ZNF462: variants seen among roughly 807,000 people sequenced by gnomAD.
ZNF462 encodes the protein zinc finger PBX1-interacting protein.
A neutral mutation model predicts 201.9 loss-of-function variants in ZNF462; 10 were observed. The observed-to-expected ratio is 0.05, with a 90% CI of 0.03 to 0.08. ZNF462 has a LOEUF of 0.08. Among genes scored for constraint, ZNF462 ranks in the 10% least tolerant of loss-of-function variants. The probability of loss-of-function intolerance (pLI) is 1.00; values close to 1 mark genes in which losing one functional copy is unlikely to be tolerated. For missense variants in ZNF462, 2,523 were observed against 3,168.3 expected, an observed-to-expected ratio of 0.80 and a Z score of 4.89; for synonymous variants, 1,227 against 1,193.3, an observed-to-expected ratio of 1.03 and a Z score of -0.58.
chr9:106,962,607 T>C lies in ZNF462; in HGVS notation c.6428-9398T>C, dbSNP rs1302392561. On this transcript the variant is annotated intron_variant, in intron 7 of 12. Coordinates refer to ENST00000277225, the MANE Select transcript of ZNF462 (RefSeq NM_021224.6). The surrounding 1 kb of genome is among the most constrained non-coding windows in gnomAD (Gnocchi z 4.6). ...GAGAAAGCTTGCCCATTTTTTGCCA[T>C]GTTTGTATCATTTTGCAGGCTAATA... Among the ~76,000 whole-genome samples, 8 of 152,182 alleles carry C rather than the reference T, an allele frequency of 5.3e-5. No homozygotes were observed. The East Asian group carries it at 1.4e-3, about 26-fold the overall frequency.
chr9:106,943,059 C>CT (rs1753918032), intron 7 of ZNF462, among the ~76,000 whole-genome samples: 1 of 143,154 alleles, frequency 7.0e-6, no homozygotes, highest in East Asian at 2.1e-4. Flanking sequence ...TTTGCGCGCG[C>CT]GTGTGTGTGT....
rs1829364865 is a variant in ZNF462 at position 107,003,819 on chromosome 9, G to A, written c.7189+393G>A. Among the ~76,000 whole-genome samples, 1 of 152,060 alleles carries A rather than the reference G, an allele frequency of 6.6e-6. No homozygotes were observed. The highest frequency in any genetic ancestry group is 2.4e-5 in the African/African-American group (1 of 41,436). On this transcript the variant is annotated intron_variant, in intron 11 of 12. Coordinates refer to ENST00000277225, the MANE Select transcript of ZNF462 (RefSeq NM_021224.6). This position sits in a 1 kb window ranked among gnomAD's most constrained non-coding sequence, Gnocchi z 4.4. ...TGAATGCATATTTAAAATTGCTGCT[G>A]GGGCACACACTGCTGGAACTGTAGG...
At position 106,926,908 on chromosome 9, in the gene ZNF462, G is replaced by C; in HGVS notation, c.2996G>C (p.Gly999Ala). Residue 999 changes from glycine to alanine, a missense_variant, in exon 3 of 13, where the codon GGT (glycine) becomes GCT (alanine). This residue lies in a region of ZNF462 where 280 missense variants were observed against 321.3 expected (regional missense o/e 0.87). Coordinates refer to ENST00000277225, the MANE Select transcript of ZNF462 (RefSeq NM_021224.6). This position sits in a 1 kb window ranked among gnomAD's most constrained non-coding sequence, Gnocchi z 7.9. ...TCCACACCTGTGGCTCGTGGTGGTG[G>C]TTTGCCAGCTACGTTCAACAAAAAC... ...ATSTPVARGG[G>A]LPATFNKNTP... The C allele has an allele frequency of 6.2e-7, 1 of 1,614,170 alleles. No homozygotes were observed. The highest frequency in any genetic ancestry group is 8.5e-7 in the Non-Finnish European group (1 of 1,180,040).
Position 106,989,342 on chromosome 9 carries a change from A to G in ZNF462, c.7056+4933A>G, listed in dbSNP as rs189667101. Among the ~76,000 whole-genome samples, 4 of 152,210 alleles carry G rather than the reference A, an allele frequency of 2.6e-5. No individual in the cohort carries two copies. The East Asian group carries it at 7.7e-4, about 29-fold the overall frequency. ...TCTGTTTATGTGGTGTATCACATTT[A>G]TTGACTCGTGTACGTTAAACTATCC... On this transcript the variant is annotated intron_variant, in intron 10 of 12. Transcript: ENST00000277225.
intron 7 of ZNF462, among the ~76,000 whole-genome samples, chr9:106,967,904 C>T (rs528546109): frequency 1.4e-4 from 22 of 152,064 alleles, no homozygotes; most frequent in African/African-American, 5.3e-4. Context: ...TTTCATAATG[C>T]TTCAAAATGT....
chr9:106,988,391 C>T (rs934864700), intron 10 of ZNF462, among the ~76,000 whole-genome samples: 1 of 152,074 alleles, frequency 6.6e-6, no homozygotes, highest in African/African-American at 2.4e-5. Context: ...CCCACCAGAC[C>T]CCTCCCACAG....
chr9:106,891,136 G>C (rs1330645487), intron 1 of ZNF462, among the ~76,000 whole-genome samples: 1 of 152,104 alleles, frequency 6.6e-6, no homozygotes, highest in African/African-American at 2.4e-5. Context: ...TAATGAAGAA[G>C]AGTTCTTCCT....
In ZNF462 at chr9:107,010,964, A is replaced by G; in HGVS notation, c.7455A>G (p.Thr2485=). Residue 2485 remains threonine, a synonymous_variant, in exon 13 of 13, where the codon ACA becomes ACG. Transcript: ENST00000277225. The surrounding 1 kb of genome is among the most constrained non-coding windows in gnomAD (Gnocchi z 4.6). ...IGIDFSLKNE[T]VAICVVTADK... is the part of the protein sequence containing the mutation. Reference sequence around the variant, plus strand: ...TAGACTTTTCCCTAAAGAATGAAACAGTAGCCATCTGTGTAGTAACTGCCG... The same window carrying G: ...TAGACTTTTCCCTAAAGAATGAAACGGTAGCCATCTGTGTAGTAACTGCCG... 6.2e-7 allele frequency: 1 copy of G among 1,613,864 alleles called. No homozygotes were observed. The highest frequency in any genetic ancestry group is 1.7e-4 in the Middle Eastern group (1 of 6,054).
chr9:106,944,791 A>G (rs1384181247), intron 7 of ZNF462, among the ~76,000 whole-genome samples: 1 of 152,212 alleles, frequency 6.6e-6, no homozygotes, highest in Admixed American at 6.5e-5. Context: ...TACATAGGAC[A>G]TAAGAATGTA....
intron 6 of ZNF462, among the ~76,000 whole-genome samples, chr9:106,937,677 A>G (rs889964913): frequency 2.6e-5 from 4 of 152,170 alleles, no homozygotes; most frequent in Non-Finnish European, 5.9e-5. Context: ...AATTATTTTT[A>G]ATAGTTGTAA....
chr9:106,926,897 T>A lies in ZNF462; in HGVS notation c.2985T>A (p.Ala995=). 1 of 1,614,136 alleles carries A rather than the reference T, an allele frequency of 6.2e-7. No individual in the cohort carries two copies. The highest frequency in any genetic ancestry group is 8.5e-7 in the Non-Finnish European group (1 of 1,180,034). ...ACATGGCGACTTCCACACCTGTGGC[T>A]CGTGGTGGTGGTTTGCCAGCTACGT... is the stretch of plus-strand genomic sequence containing the variant. The part of the protein sequence containing the change: ...PKNMATSTPV[A]RGGGLPATFN... Residue 995 remains alanine (A), a synonymous_variant, in exon 3 of 13, where the codon GCT becomes GCA. Coordinates refer to ENST00000277225, the MANE Select transcript of ZNF462 (RefSeq NM_021224.6). This position sits in a 1 kb window ranked among gnomAD's most constrained non-coding sequence, Gnocchi z 7.9.
intron 1 of ZNF462, among the ~76,000 whole-genome samples, chr9:106,893,399 C>G (rs1485121379): frequency 6.6e-6 from 1 of 152,200 alleles, no homozygotes; most frequent in Non-Finnish European, 1.5e-5. Context: ...AAGGAAATCA[C>G]CATCCTTTTC....
At chr9:106,936,149 A>G (rs1006021830) in intron 6 of ZNF462, among the ~76,000 whole-genome samples, 3 of 152,262 alleles carry the variant, frequency 2.0e-5, no homozygotes, top group African/African-American at 7.2e-5. Flanking sequence ...TTGTTGTTCC[A>G]TCTCATTACT....
In ZNF462 at chr9:106,966,408, G is replaced by A. The variant is rs529569076; in HGVS notation, c.6428-5597G>A. On this transcript the variant is annotated intron_variant, in intron 7 of 12. Coordinates refer to ENST00000277225, the MANE Select transcript of ZNF462 (RefSeq NM_021224.6). The surrounding 1 kb of genome is among the most constrained non-coding windows in gnomAD (Gnocchi z 4.4). ...GTGAGTTGAACGTTTAGGTAGCTGC[G>A]TGTCTAGTGTTGATTTCATTAATTA... Among the ~76,000 whole-genome samples, 10 of 152,086 alleles carry A rather than the reference G, an allele frequency of 6.6e-5. No individual in the cohort carries two copies. Among genetic ancestry groups the A allele is most frequent in the East Asian group, 3.9e-4 (2 of 5,174 alleles).
Position 107,011,095 on chromosome 9 carries a change from T to G in ZNF462, c.*65T>G. 1.3e-6 allele frequency: 2 copies of G among 1,547,568 alleles called. No individual in the cohort carries two copies. The highest frequency in any genetic ancestry group is 1.8e-6 in the Non-Finnish European group (2 of 1,132,744). ...TGATGAAAAAGTGGGAGGGCTGGCT[T>G]GGGCTGAGAAGGGAGGGACAGAAAA... On this transcript the variant is annotated 3_prime_UTR_variant, in exon 13 of 13. Transcript: ENST00000277225. This position sits in a 1 kb window ranked among gnomAD's most constrained non-coding sequence, Gnocchi z 5.6.
chr9:106,860,540 G>A (rs1827039063), upstream of ZNF462, among the ~76,000 whole-genome samples: 1 of 152,106 alleles, frequency 6.6e-6, no homozygotes, highest in African/African-American at 2.4e-5. The surrounding 1 kb of genome is among the most constrained non-coding windows in gnomAD (Gnocchi z 7.1). Flanking sequence ...TACGACCCAA[G>A]CCAACCCAGA....
At chr9:106,873,947 CCAGA>C (rs1827713686) in intron 1 of ZNF462, among the ~76,000 whole-genome samples, 1 of 152,104 alleles carries the variant, frequency 6.6e-6, no homozygotes, top group African/African-American at 2.4e-5. Context: ...TCTCTGGTCT[CCAGA>C]CAGACCCATA....
At position 106,920,481 on chromosome 9, in the gene ZNF462, T is replaced by G. The variant is rs1310840188; in HGVS notation, c.-30-2873T>G. On this transcript the variant is annotated intron_variant, in intron 1 of 12. Coordinates refer to ENST00000277225, the MANE Select transcript of ZNF462 (RefSeq NM_021224.6). This position sits in a 1 kb window ranked among gnomAD's most constrained non-coding sequence, Gnocchi z 4.3. ...GACATGAAATTGAAGGCCATTCAGC[T>G]CTACCTGATGCTGGTTCTCTCAGCG... is the stretch of plus-strand genomic sequence containing the variant. 6.6e-6 allele frequency among the ~76,000 whole-genome samples: 1 copy of G among 152,248 alleles called. No individual in the cohort carries two copies. The highest frequency in any genetic ancestry group is 1.5e-5 in the Non-Finnish European group (1 of 68,048).
intron 1 of ZNF462, among the ~76,000 whole-genome samples, chr9:106,864,039 G>GCTCTCTCT (rs773917122): frequency 1.8e-4 from 4 of 22,752 alleles, no homozygotes; most frequent in Admixed American, 1.2e-3. Flanking sequence ...CAGGTATTTG[G>GCTCTCTCT]CTCTCTCTCT....
Sources: gnomAD v4.1 joint callset for allele counts (sites outside exome capture counted in the v4.1 genomes callset) on GRCh38, gnomAD v4.1.1 for gene constraint, gnomAD v4.1.1 regional missense constraint, Gnocchi (gnomAD v3.1) non-coding constraint, MANE v1.5 for transcripts, NCBI Gene and HGNC (gene_info 2026-07-23, HGNC 2026-07-21) for gene names.